Variants in SIRT1 observed in about 807,000 individuals in gnomAD.
SIRT1 encodes NAD-dependent protein deacetylase sirtuin-1.
SIRT1 carries 24 observed loss-of-function variants against 67.9 expected under a neutral mutation model. That is an observed-to-expected ratio of 0.35 (90% CI 0.26 to 0.50). SIRT1 has a LOEUF of 0.50. SIRT1 is among the 20% of genes least tolerant of loss of function. The pLI, the probability that SIRT1 is intolerant of heterozygous loss-of-function variation, is 0.98. For synonymous variants in SIRT1, 378 were observed against 350.7 expected (o/e 1.08, Z -0.87); for missense variants, 873 against 937.2 (o/e 0.93, Z 0.89).
At chr10:67,888,810 T>A in intron 2 of SIRT1, 72 bp from the exon 3 acceptor site, 1 of 1,516,698 alleles carries the variant, frequency 6.6e-7, no homozygotes, top group South Asian at 1.3e-5. Flanking sequence ...TGCTAACTCA[T>A]TACTTCAGAA....
intron 4 of SIRT1, among the ~76,000 whole-genome samples, chr10:67,899,240 T>C (rs1589075796): frequency 6.6e-6 from 1 of 151,858 alleles, no homozygotes; most frequent in Non-Finnish European, 1.5e-5. Context: ...TTGGCTGATT[T>C]ATCATGCCAC....
intron 2 of SIRT1, among the ~76,000 whole-genome samples, chr10:67,888,666 C>G (rs186052938): frequency 2.2e-4 from 33 of 152,204 alleles, no homozygotes; most frequent in Middle Eastern, 3.4e-3. Context: ...TATATACTTA[C>G]AGCTGAAGGG....
intron 1 of SIRT1, among the ~76,000 whole-genome samples, chr10:67,885,552 A>G (rs1476709862): frequency 6.6e-6 from 1 of 151,744 alleles, no homozygotes; most frequent in Non-Finnish European, 1.5e-5. Flanking sequence ...TAAGTCTGCA[A>G]CTTTTTGGCT....
Position 67,885,120 on chromosome 10 carries a change from A to G in SIRT1, c.399A>G (p.Glu133=). The part of the protein sequence containing the change: ...EDDDDEGEEE[E]EAAAAAIGYR... ...ACGACGACGAGGGCGAGGAGGAGGA[A>G]GAGGCGGCGGCGGCGGCGATTGGGT... is the stretch of plus-strand genomic sequence containing the variant. The change falls in exon 1 of 9, where the codon GAA becomes GAG. Residue 133 remains glutamate, a synonymous_variant. Coordinates refer to ENST00000212015, the MANE Select transcript of SIRT1 (RefSeq NM_012238.5). 1 of 1,438,266 alleles carries G rather than the reference A, an allele frequency of 7.0e-7. No homozygotes were observed. The highest frequency in any genetic ancestry group is 9.2e-7 in the Non-Finnish European group (1 of 1,090,942). The allele number at this position is 1,438,266 out of a possible 1,614,324, so 89.1% of individuals were successfully genotyped here.
At chr10:67,911,186 C>T (rs1842893794) in intron 7 of SIRT1, among the ~76,000 whole-genome samples, 2 of 152,118 alleles carry the variant, frequency 1.3e-5, no homozygotes, top group African/African-American at 4.8e-5. Flanking sequence ...AGGCACTCTG[C>T]TTAAAAGCTT....
Position 67,916,474 on chromosome 10 carries a change from C to A in SIRT1, c.2125C>A (p.Pro709Thr), listed in dbSNP as rs770824011. The A allele has an allele frequency of 1.9e-6, 3 of 1,614,060 alleles. No homozygotes were observed. Among genetic ancestry groups the A allele is most frequent in the Admixed American group, 1.7e-5 (1 of 60,008 alleles). The change falls in exon 9 of 9, where the codon CCA becomes ACA. Residue 709 changes from proline to threonine, a missense_variant. Transcript: ENST00000212015. Reference protein sequence around the residue: ...YNGLEDEPDVPERAGGAGFGT... With the variant: ...YNGLEDEPDVTERAGGAGFGT... ...TGGCTTAGAAGATGAGCCTGATGTTCCAGAGAGAGCTGGAGGAGCTGGATT... is the reference window on the plus strand; with the variant it reads ...TGGCTTAGAAGATGAGCCTGATGTTACAGAGAGAGCTGGAGGAGCTGGATT...
chr10:67,886,575 A>T (rs1374969808), intron 1 of SIRT1, among the ~76,000 whole-genome samples: 2 of 142,994 alleles, frequency 1.4e-5, no homozygotes, highest in African/African-American at 5.2e-5. Flanking sequence ...AAAAAAAAAA[A>T]GTAATATGTG....
chr10:67,889,385 CAT>C (rs1030642569), intron 3 of SIRT1, among the ~76,000 whole-genome samples: 4 of 152,282 alleles, frequency 2.6e-5, no homozygotes, highest in African/African-American at 9.6e-5. Context: ...TACATTATAT[CAT>C]AGCTCCTAAA....
At chr10:67,886,046 A>T (rs1842474856) in intron 1 of SIRT1, among the ~76,000 whole-genome samples, 1 of 147,982 alleles carries the variant, frequency 6.8e-6, no homozygotes, top group Non-Finnish European at 1.5e-5. Context: ...CCCGCGTTCA[A>T]CCGATTCTCC....
At position 67,908,029 on chromosome 10, in the gene SIRT1, A is replaced by G. The variant is rs576925617; in HGVS notation, c.1091-17A>G. On this transcript the variant is annotated splice_polypyrimidine_tract_variant and intron_variant, in intron 5 of 8. Coordinates refer to ENST00000212015, the MANE Select transcript of SIRT1 (RefSeq NM_012238.5). ...AATACTTCTTTAATAAAGCATATAT[A>G]TGTTGTTTGTTTTTAGGTTCCTTTG... 4 of 1,598,706 alleles carry G rather than the reference A, an allele frequency of 2.5e-6. No homozygotes were observed. In the African/African-American group the frequency reaches 4.0e-5, roughly 16 times the overall value.
At chr10:67,908,884 A>T (rs1402764414) in intron 6 of SIRT1, among the ~76,000 whole-genome samples, 3 of 152,224 alleles carry the variant, frequency 2.0e-5, no homozygotes, top group African/African-American at 7.2e-5. Flanking sequence ...GCTGGGCAAC[A>T]GAACAAGACT....
chr10:67,897,951 T>C (rs566845967), intron 4 of SIRT1, among the ~76,000 whole-genome samples: 55 of 114,842 alleles, frequency 4.8e-4, no homozygotes, highest in African/African-American at 2.4e-3. Context: ...AAAATAACTT[T>C]TTTTTTTTTT....
At chr10:67,914,410 C>T (rs1294943936) in intron 8 of SIRT1, among the ~76,000 whole-genome samples, 3 of 152,042 alleles carry the variant, frequency 2.0e-5, no homozygotes, top group Non-Finnish European at 4.4e-5. Flanking sequence ...TTACAGAAGG[C>T]TTTCTAAGGA....
At chr10:67,903,129 C>T (rs1432591359) in intron 4 of SIRT1, among the ~76,000 whole-genome samples, 1 of 152,062 alleles carries the variant, frequency 6.6e-6, no homozygotes, top group African/African-American at 2.4e-5. Flanking sequence ...GTTGTGCGGG[C>T]TGGAGTGTAG....
intron 4 of SIRT1, among the ~76,000 whole-genome samples, chr10:67,894,286 T>A (rs1842620195): frequency 6.6e-6 from 1 of 152,270 alleles, no homozygotes; most frequent in African/African-American, 2.4e-5. Context: ...TTTGAACTTT[T>A]TACTTCATAT....
intron 2 of SIRT1, among the ~76,000 whole-genome samples, chr10:67,888,167 G>A (rs1403982898): frequency 1.3e-5 from 2 of 152,112 alleles, no homozygotes; most frequent in South Asian, 4.1e-4. Context: ...AAAGTATTTC[G>A]ATGTAGAAAG....
rs1842446101 is a variant in SIRT1, at chr10:67,884,698, G to A, written c.-24G>A. The A allele has an allele frequency of 1.6e-6, 2 of 1,228,256 alleles. No individual in the cohort carries two copies. Among genetic ancestry groups the A allele is most frequent in the Non-Finnish European group, 1.0e-6 (1 of 985,774 alleles). The allele number at this position is 1,228,256 out of a possible 1,614,324, so 76.1% of individuals were successfully genotyped here. On this transcript the variant is annotated 5_prime_UTR_variant, in exon 1 of 9. Coordinates refer to ENST00000212015, the MANE Select transcript of SIRT1 (RefSeq NM_012238.5). The stretch of plus-strand genomic sequence containing the variant: ...AGCGGGAGCAGAGGAGGCGAGGGAG[G>A]AGGGCCAGAGAGGCAGTTGGAAGAT...
chr10:67,916,331 C>T lies in SIRT1; in HGVS notation c.1982C>T (p.Ser661Phe), dbSNP rs757624637. 1 of 1,613,924 alleles carries T rather than the reference C, an allele frequency of 6.2e-7. No individual in the cohort carries two copies. The highest frequency in any genetic ancestry group is 8.5e-7 in the Non-Finnish European group (1 of 1,179,800). ...CATGGCGCTGAGGTATATTCAGACT[C>T]TGAAGATGACGTCTTATCCTCTAGT... Reference protein sequence around the residue: ...IFHGAEVYSDSEDDVLSSSSC... With the variant: ...IFHGAEVYSDFEDDVLSSSSC... Residue 661 changes from serine to phenylalanine, a missense_variant, in exon 9 of 9, where the codon TCT (serine) becomes TTT (phenylalanine). Ser to Phe is a radical substitution (Grantham distance 155). Around this residue, in one of 3 missense-constraint regions of SIRT1, gnomAD observed 295 missense variants for 294.5 expected, o/e 1.00. Transcript: ENST00000212015.
At chr10:67,885,366 G>A (rs766514231) in intron 1 of SIRT1, 3 of 1,232,940 alleles carry the variant, frequency 2.4e-6, no homozygotes, top group Non-Finnish European at 3.0e-6. Context: ...TCCGTGGCCC[G>A]CCTGGGCGGC....
Sources: allele counts gnomAD v4.1 joint callset (sites outside exome capture counted in the v4.1 genomes callset), GRCh38; gene constraint gnomAD v4.1.1; regional missense constraint gnomAD v4.1.1; transcripts MANE v1.5; gene names NCBI Gene and HGNC (gene_info 2026-07-23, HGNC 2026-07-21).